Variants in PDXDC1 observed in about 807,000 individuals in gnomAD.
PDXDC1 encodes pyridoxal-dependent decarboxylase domain-containing protein 1.
Under a neutral mutation model 100.1 loss-of-function variants are expected in PDXDC1, and 42 were observed. That is an observed-to-expected ratio of 0.42 (90% CI 0.33 to 0.54). The LOEUF (loss-of-function observed/expected upper bound fraction) is 0.54. PDXDC1 is among the 20% of genes least tolerant of loss of function. The pLI is 0.10. For synonymous variants in PDXDC1, 260 were observed against 371.7 expected (o/e 0.70, Z 3.46); for missense variants, 636 against 979.2 (o/e 0.65, Z 4.68).
chr16:15,085,721 T>A (rs1377907190), intron 16 of PDXDC1: 3 of 1,612,472 alleles, frequency 1.9e-6, no homozygotes, highest in Admixed American at 3.3e-5. Context: ...AAAGAAAATA[T>A]GTTATTCTGT....
At chr16:14,992,656 G>C (rs201557711) in intron 1 of PDXDC1, among the ~76,000 whole-genome samples, 14,945 of 148,544 alleles carry the variant, frequency 0.1, 88 homozygotes, top group African/African-American at 0.13. Flanking sequence ...ATGGCTAAAT[G>C]ATTACCTTGT....
In PDXDC1 at chr16:15,130,242, C is replaced by G. The variant is rs1462570346; in HGVS notation, c.1400-8637C>G. On this transcript the variant is annotated intron_variant, in intron 16 of 16. Transcript: ENST00000535621. ...TACATGGCTTGGGGGCACGAAGAGG[C>G]TGGCGCCGAAGGCGGTGAGGTGGCG... 4 of 1,549,256 alleles carry G rather than the reference C, an allele frequency of 2.6e-6. No individual in the cohort carries two copies. In the Admixed American group the frequency reaches 7.8e-5, roughly 30 times the overall value.
At chr16:15,125,888 C>G in intron 16 of PDXDC1, 2 of 716,584 alleles carry the variant, frequency 2.8e-6, no homozygotes, top group South Asian at 1.5e-5. Context: ...CCTCAGCAGA[C>G]AGGACAGAGC....
At chr16:15,087,631 C>G (rs951838221) in intron 16 of PDXDC1, among the ~76,000 whole-genome samples, 11 of 152,116 alleles carry the variant, frequency 7.2e-5, no homozygotes, top group African/African-American at 2.7e-4. Flanking sequence ...AAAACCACAA[C>G]TCATTTGTAC....
rs919750658 is a variant in PDXDC1, at chr16:14,988,670, C to T, written c.22-9083C>T. Reference sequence around the variant, plus strand: ...GGTAGGGCTTGCCCTCGGCATCCGCCAGCACGGCCAGGTTGATATGGTCGT... The same window carrying T: ...GGTAGGGCTTGCCCTCGGCATCCGCTAGCACGGCCAGGTTGATATGGTCGT... On this transcript the variant is annotated intron_variant, in intron 1 of 22. Coordinates refer to ENST00000396410, the MANE Select transcript of PDXDC1 (RefSeq NM_015027.4). 1.5e-5 allele frequency: 24 copies of T among 1,613,548 alleles called. No individual in the cohort carries two copies. In the Admixed American group the frequency reaches 3.7e-4, roughly 25 times the overall value.
chr16:15,039,095 T>C (rs1379077117), downstream of PDXDC1, among the ~76,000 whole-genome samples: 1 of 152,184 alleles, frequency 6.6e-6, no homozygotes, highest in Admixed American at 6.5e-5. Flanking sequence ...CCTTGCAATT[T>C]AAAAGCATAC....
At chr16:15,019,306 A>G (rs2042008285) in intron 12 of PDXDC1, among the ~76,000 whole-genome samples, 2 of 152,280 alleles carry the variant, frequency 1.3e-5, no homozygotes, top group African/African-American at 4.8e-5. Context: ...TTGACTGACT[A>G]CGGTGAGGGA....
At position 15,037,129 on chromosome 16, in the gene PDXDC1, TC is replaced by T; in HGVS notation, c.*857del. 2 of 152,326 alleles carry T rather than the reference TC, an allele frequency of 1.3e-5. 1 individual carries two copies. Among genetic ancestry groups the T allele is most frequent in the South Asian group, 4.1e-4 (2 of 4,828 alleles). The allele number at this position is 152,326 out of a possible 1,614,324, so 9.4% of individuals were successfully genotyped here. ...AAAACAAGTACCCCTTTGACCTGTC[TC>T]CCACTGAAGCTTCTACTGCCCTGGC... On this transcript the variant is annotated 3_prime_UTR_variant, in exon 23 of 23. Coordinates refer to ENST00000396410, the MANE Select transcript of PDXDC1 (RefSeq NM_015027.4).
intron 16 of PDXDC1, chr16:15,083,506 T>A (rs921824754): frequency 6.2e-7 from 1 of 1,608,732 alleles, no homozygotes; most frequent in African/African-American, 1.3e-5. Context: ...ATGAAAAGAT[T>A]TCTTACCAGT....
intron 3 of PDXDC1, among the ~76,000 whole-genome samples, chr16:14,999,055 A>G (rs1233037458): frequency 2.0e-5 from 3 of 152,284 alleles, no homozygotes; most frequent in African/African-American, 7.2e-5. Flanking sequence ...ACTGCACTCC[A>G]GCCTGAGTGA....
At position 15,036,354 on chromosome 16, in the gene PDXDC1, A is replaced by G. The variant is rs2043453817; in HGVS notation, c.*79A>G. 1 of 1,282,536 alleles carries G rather than the reference A, an allele frequency of 7.8e-7. No individual in the cohort carries two copies. Among genetic ancestry groups the G allele is most frequent in the African/African-American group, 1.5e-5 (1 of 67,156 alleles). 79.4% of individuals were successfully genotyped at this position (1,282,536 alleles called of 1,614,324 possible). On this transcript the variant is annotated 3_prime_UTR_variant, in exon 23 of 23. Transcript: ENST00000396410. ...TTCTATTGGAAATGTGAACTGTGCC[A>G]CATACTAATATAAATTACTGTTGTT...
intron 16 of PDXDC1, chr16:15,074,904 G>A (rs996938828): frequency 7.1e-6 from 11 of 1,547,744 alleles, no homozygotes; most frequent in Non-Finnish European, 9.7e-6. Flanking sequence ...AAAATTCAAT[G>A]TCAAAGTGGT....
chr16:15,086,724 G>A (rs2045928800), intron 16 of PDXDC1, among the ~76,000 whole-genome samples: 1 of 152,142 alleles, frequency 6.6e-6, no homozygotes. Flanking sequence ...CCCTGAAAAA[G>A]CGAAATCACC....
chr16:15,111,756 CAAAAAAA>C (rs1202549941), intron 16 of PDXDC1, among the ~76,000 whole-genome samples: 1 of 58,604 alleles, frequency 1.7e-5, no homozygotes, highest in Non-Finnish European at 3.0e-5. Flanking sequence ...GACTCCGTCT[CAAAAAAA>C]AAAAAAAAAA....
At chr16:15,140,616 A>G (rs2048456918), downstream of PDXDC1, among the ~76,000 whole-genome samples, 1 of 152,176 alleles carries the variant, frequency 6.6e-6, no homozygotes, top group African/African-American at 2.4e-5. Flanking sequence ...AAAAGGCAAC[A>G]GAAACCAAAG....
rs2043367812 is a variant in PDXDC1, at chr16:15,035,546, G to A, written c.2100G>A (p.Arg700=). 6.2e-7 allele frequency: 1 copy of A among 1,605,058 alleles called. No individual in the cohort carries two copies. Residue 700 remains arginine (R), a synonymous_variant, in exon 22 of 23, where the codon AGG becomes AGA. Transcript: ENST00000396410. ...PTPSGSRTKQ[R]LPGQKPFKRS... ...CCTCGGGCAGTCGCACCAAGCAGAG[G>A]CTTCCAGGTAAGTGACGCCTCTGCA...
At chr16:14,992,429 A>G (rs1971056196) in intron 1 of PDXDC1, among the ~76,000 whole-genome samples, 2 of 152,270 alleles carry the variant, frequency 1.3e-5, no homozygotes, top group South Asian at 2.1e-4. Context: ...GTGGTAGGGG[A>G]CACACGGGAG....
chr16:15,023,221 T>TA (rs1277782447), intron 13 of PDXDC1, among the ~76,000 whole-genome samples: 2 of 152,292 alleles, frequency 1.3e-5, no homozygotes, highest in Non-Finnish European at 2.9e-5. Flanking sequence ...TGTCTTCTGA[T>TA]ATCTTCCTGA....
intron 8 of PDXDC1, among the ~76,000 whole-genome samples, chr16:15,014,255 T>C (rs1479819691): frequency 6.6e-6 from 1 of 152,222 alleles, no homozygotes; most frequent in Non-Finnish European, 1.5e-5. Context: ...AATATTCACT[T>C]TATTGCCAAC....
Sources: gnomAD v4.1 joint callset for allele counts (sites outside exome capture counted in the v4.1 genomes callset) on GRCh38, gnomAD v4.1.1 for gene constraint, MANE v1.5 for transcripts, NCBI Gene and HGNC (gene_info 2026-07-23, HGNC 2026-07-21) for gene names.